Variants in PKD1L1 observed in about 807,000 individuals in gnomAD.
The protein encoded by PKD1L1 is polycystin-1-like protein 1.
Under a neutral mutation model 323.4 loss-of-function variants are expected in PKD1L1, and 236 were observed. The ratio of observed to expected loss-of-function variants is 0.73; its 90% confidence interval spans 0.66 to 0.81. The LOEUF is 0.81. Among genes scored for constraint, PKD1L1 ranks in the 40% least tolerant of loss-of-function variants. The pLI is 0.00. For missense variants in PKD1L1, 3,320 were observed against 3,508.0 expected (o/e 0.95, Z 1.35); for synonymous variants, 1,344 against 1,335.0 (o/e 1.01, Z -0.15).
At chr7:47,826,092 T>G (rs1261778728) in intron 45 of PKD1L1, among the ~76,000 whole-genome samples, 1 of 151,994 alleles carries the variant, frequency 6.6e-6, no homozygotes, top group Non-Finnish European at 1.5e-5. Context: ...CTCTGCAAAC[T>G]CCTCCAAGAT....
intron 6 of PKD1L1, among the ~76,000 whole-genome samples, chr7:47,930,658 T>C (rs539183060): frequency 2.0e-5 from 3 of 151,490 alleles, no homozygotes; most frequent in African/African-American, 7.3e-5. Context: ...CTACTAAAAA[T>C]ACAAAAATTA....
At chr7:47,882,218 T>C in intron 19 of PKD1L1, 133 bp from the exon 20 acceptor site, 6 of 962,264 alleles carry the variant, frequency 6.2e-6, no homozygotes, top group Non-Finnish European at 9.4e-6. Context: ...TATAATGTCT[T>C]CAGCAGCCAA....
In PKD1L1 at chr7:47,831,242, A is replaced by G. The variant is rs1013120060; in HGVS notation, c.6448T>C (p.Leu2150=). 2.4e-5 allele frequency: 39 copies of G among 1,613,998 alleles called. No individual in the cohort carries two copies. Among genetic ancestry groups the G allele is most frequent in the Admixed American group, 1.8e-4 (11 of 59,996 alleles). ...ICGTASLACS[L]GTGFLAYRFG... ...CTGTAGGCTAGAAATCCTGTCCCCA[A>G]ACTGCAGGCCAAAGAAGCGGTCCCA... Residue 2150 remains leucine (L), a synonymous_variant, in exon 42 of 57, where the codon TTG becomes CTG. Transcript: ENST00000289672.
chr7:47,949,312 T>C (rs906777839), upstream of PKD1L1, among the ~76,000 whole-genome samples: 3 of 138,140 alleles, frequency 2.2e-5, no homozygotes, highest in African/African-American at 8.3e-5. Flanking sequence ...GAGGTTGCAG[T>C]GAGCCGAGAT....
At chr7:47,808,894 C>T (rs1784837041) in intron 51 of PKD1L1, among the ~76,000 whole-genome samples, 1 of 152,192 alleles carries the variant, frequency 6.6e-6, no homozygotes, top group Admixed American at 6.5e-5. Context: ...ATGCTGCACA[C>T]TTAGGCTACA....
At chr7:47,858,987 G>A (rs1456176608) in intron 26 of PKD1L1, 102 bp from the exon 27 acceptor site, 1 of 1,421,100 alleles carries the variant, frequency 7.0e-7, no homozygotes, top group African/African-American at 1.4e-5. Flanking sequence ...TTAGCTGCAT[G>A]AACAGAAAAG....
At chr7:47,923,869 G>A (rs1787606267) in intron 7 of PKD1L1, among the ~76,000 whole-genome samples, 1 of 151,972 alleles carries the variant, frequency 6.6e-6, no homozygotes, top group South Asian at 2.1e-4. Flanking sequence ...GAGATTTGGA[G>A]TTCTAAAGAA....
chr7:47,897,111 T>C (rs1342233092), intron 14 of PKD1L1, among the ~76,000 whole-genome samples: 1 of 152,214 alleles, frequency 6.6e-6, no homozygotes, highest in African/African-American at 2.4e-5. Context: ...AGAGGAAGCT[T>C]CTGGCAACTC....
upstream of PKD1L1, among the ~76,000 whole-genome samples, chr7:47,952,821 G>A (rs547391921): frequency 2.0e-5 from 3 of 152,204 alleles, no homozygotes; most frequent in African/African-American, 7.2e-5. Flanking sequence ...TGCTATACCT[G>A]GGACTAAAAG....
chr7:47,858,774 C>A lies in PKD1L1; in HGVS notation c.4261G>T (p.Gly1421Cys), dbSNP rs146609164. Residue 1421 changes from glycine (G) to cysteine (C), a missense_variant, in exon 27 of 57, where the codon GGT becomes TGT. Transcript: ENST00000289672. ...ACTTCCCAGACTCTGGATATGAGAC[C>A]GATGAGCTCAAGCCTCACTCCTTTG... ...IDKGVRLELI[G>C]LISRVWEVSE... The A allele has an allele frequency of 6.8e-6, 11 of 1,614,058 alleles. No individual in the cohort carries two copies. The highest frequency in any genetic ancestry group is 8.5e-6 in the Non-Finnish European group (10 of 1,180,036).
intron 50 of PKD1L1, among the ~76,000 whole-genome samples, chr7:47,811,529 C>A (rs1562941060): frequency 6.6e-6 from 1 of 152,230 alleles, no homozygotes; most frequent in Non-Finnish European, 1.5e-5. Context: ...CTGGGGGGAT[C>A]TAAACATCAG....
upstream of PKD1L1, among the ~76,000 whole-genome samples, chr7:47,951,561 T>C (rs2128761189): frequency 6.6e-6 from 1 of 152,264 alleles, no homozygotes; most frequent in Middle Eastern, 3.4e-3. Flanking sequence ...GTAGTCAAAG[T>C]AGAAAAGCAA....
intron 31 of PKD1L1, 140 bp downstream of exon 31, chr7:47,852,987 G>T: frequency 1.5e-6 from 1 of 664,918 alleles, no homozygotes; most frequent in Non-Finnish European, 2.7e-6. Flanking sequence ...TAGTGGAGCA[G>T]TTTGTTTATA....
Position 47,792,628 on chromosome 7 carries a change from T to A in PKD1L1, c.8525A>T (p.Glu2842Val). ...ATAAATAATTTTGCATGGTCTTACCTCAGCAGCTTGGTAACTAGAAATGTC... is the reference window on the plus strand; with the variant it reads ...ATAAATAATTTTGCATGGTCTTACCACAGCAGCTTGGTAACTAGAAATGTC... ...LVDISSYQAAEPADIKDF is the reference protein window; with the variant it reads ...LVDISSYQAAVPADIKDF The change falls in exon 56 of 57, where the codon GAG (glutamate) becomes GTG (valine). Residue 2842 changes from glutamate (E) to valine (V), a missense_variant and splice_region_variant. Transcript: ENST00000289672. The A allele has an allele frequency of 6.2e-7, 1 of 1,611,726 alleles. No individual in the cohort carries two copies. The highest frequency in any genetic ancestry group is 8.5e-7 in the Non-Finnish European group (1 of 1,178,486).
chr7:47,827,439 G>C lies in PKD1L1; in HGVS notation c.6765C>G (p.His2255Gln). Residue 2255 changes from histidine (H) to glutamine (Q), a missense_variant, in exon 45 of 57, where the codon CAC (histidine) becomes CAG (glutamine). Transcript: ENST00000289672. Reference sequence around the variant, plus strand: ...TGGATGGTGGATGCGCCCAGCGCAGGTGGCGAGCTTGTTGTCGGGCAGCCA... The same window carrying C: ...TGGATGGTGGATGCGCCCAGCGCAGCTGGCGAGCTTGTTGTCGGGCAGCCA... ...KVLAARQQARHLRWAHPPSKA... is the reference protein window; with the variant it reads ...KVLAARQQARQLRWAHPPSKA... 5 of 1,611,890 alleles carry C rather than the reference G, an allele frequency of 3.1e-6. No homozygotes were observed. Among genetic ancestry groups the C allele is most frequent in the Non-Finnish European group, 4.2e-6 (5 of 1,179,556 alleles).
chr7:47,844,584 T>C (rs922010454), intron 33 of PKD1L1, among the ~76,000 whole-genome samples: 6 of 152,200 alleles, frequency 3.9e-5, no homozygotes, highest in African/African-American at 7.2e-5. Flanking sequence ...TAAAATGGGA[T>C]ACTCCAGAGA....
intron 37 of PKD1L1, 78 bp from the exon 38 acceptor site, chr7:47,835,321 A>G: frequency 1.6e-5 from 13 of 838,454 alleles, no homozygotes; most frequent in Non-Finnish European, 2.3e-5. Flanking sequence ...GTAATTACAA[A>G]TACATGTAAT....
chr7:47,884,599 T>A lies in PKD1L1; in HGVS notation c.3264A>T (p.Pro1088=). 1 of 1,613,822 alleles carries A rather than the reference T, an allele frequency of 6.2e-7. No homozygotes were observed. Residue 1088 remains proline, a splice_region_variant and synonymous_variant, in exon 19 of 57, where the codon CCA becomes CCT. Coordinates refer to ENST00000289672, the MANE Select transcript of PKD1L1 (RefSeq NM_138295.5). ...CAGCAGGCATAGAAGCACAGTCACC[T>A]GGCTGTCTTCCTCCCGATGGTATTG... ...QEAIPSGGRQ[P]AKDTSFPGSG...
chr7:47,815,496 C>T, intron 46 of PKD1L1, 39 bp from the exon 47 acceptor site: 1 of 1,598,778 alleles, frequency 6.3e-7, no homozygotes, highest in South Asian at 1.1e-5. Context: ...GCTTCTGCAT[C>T]AACAAGAACA....
Sources: allele counts gnomAD v4.1 joint callset (sites outside exome capture counted in the v4.1 genomes callset), GRCh38; gene constraint gnomAD v4.1.1; transcripts MANE v1.5; gene names NCBI Gene and HGNC (gene_info 2026-07-23, HGNC 2026-07-21).